ERBB4: variants seen among roughly 807,000 people sequenced by gnomAD.
The protein encoded by ERBB4 is erb-b2 receptor tyrosine kinase 4.
A neutral mutation model predicts 158.0 loss-of-function variants in ERBB4; 42 were observed. That is an observed-to-expected ratio of 0.27 (90% CI 0.21 to 0.34). The LOEUF (loss-of-function observed/expected upper bound fraction) is 0.34, where lower values mean the gene tolerates loss of function less well. Among genes scored for constraint, ERBB4 ranks in the 10% least tolerant of loss-of-function variants. The pLI is 1.00. For missense variants in ERBB4, 1,333 were observed against 1,624.1 expected (o/e 0.82, Z 3.08); for synonymous variants, 583 against 558.7 (o/e 1.04, Z -0.61).
chr2:212,182,142 A>C (rs2081889203), intron 1 of ERBB4, among the ~76,000 whole-genome samples: 1 of 151,880 alleles, frequency 6.6e-6, no homozygotes, highest in South Asian at 2.1e-4. Context: ...CATGCCAGGA[A>C]TGTTCTAAAT....
intron 12 of ERBB4, 55 bp downstream of exon 12, chr2:211,701,912 A>T: frequency 1.5e-6 from 2 of 1,331,716 alleles, no homozygotes; most frequent in South Asian, 2.4e-5. Context: ...GGTCCAAAGA[A>T]GAATGGGAAA....
At position 212,458,013 on chromosome 2, in the gene ERBB4, A is replaced by G. The variant is rs1688385893; in HGVS notation, c.82+80436T>C. ...AGTATTCACCAAATAATGTTCTTCT[A>G]TTGTATGTTCTAATTTAATAGGAAA... On this transcript the variant is annotated intron_variant, in intron 1 of 27. Coordinates refer to ENST00000342788, the MANE Select transcript of ERBB4 (RefSeq NM_005235.3). Among the ~76,000 whole-genome samples the G allele has an allele frequency of 2.6e-5, 4 of 152,102 alleles. No individual in the cohort carries two copies. The South Asian group carries it at 8.3e-4, about 32-fold the overall frequency.
intron 1 of ERBB4, among the ~76,000 whole-genome samples, chr2:212,205,167 T>C (rs955158367): frequency 6.6e-6 from 1 of 151,838 alleles, no homozygotes; most frequent in African/African-American, 2.4e-5. Context: ...ATAGACAGAT[T>C]TTGTTTGTTT....
At chr2:211,944,985 A>G (rs2080639501) in intron 3 of ERBB4, among the ~76,000 whole-genome samples, 1 of 152,230 alleles carries the variant, frequency 6.6e-6, no homozygotes, top group African/African-American at 2.4e-5. Flanking sequence ...AGGCCAGTCC[A>G]GTAGCTCTGC....
chr2:211,419,323 T>C (rs1452246711), intron 25 of ERBB4, among the ~76,000 whole-genome samples: 1 of 152,090 alleles, frequency 6.6e-6, no homozygotes, highest in Non-Finnish European at 1.5e-5. Flanking sequence ...TTAACATATA[T>C]GTGTTGAATA....
chr2:212,075,266 GA>G (rs531956040), intron 2 of ERBB4, among the ~76,000 whole-genome samples: 27 of 151,768 alleles, frequency 1.8e-4, no homozygotes, highest in Non-Finnish European at 2.8e-4. Flanking sequence ...TATTGTGTAA[GA>G]AAGTTTTAAT....
At chr2:212,406,347 A>G (rs1226161218) in intron 1 of ERBB4, among the ~76,000 whole-genome samples, 1 of 152,100 alleles carries the variant, frequency 6.6e-6, no homozygotes, top group Non-Finnish European at 1.5e-5. Flanking sequence ...GACTACAAAA[A>G]TCGGTTCACT....
intron 1 of ERBB4, among the ~76,000 whole-genome samples, chr2:212,519,511 G>A (rs1211926046): frequency 6.6e-6 from 1 of 151,832 alleles, no homozygotes; most frequent in Non-Finnish European, 1.5e-5. Context: ...AACACAGGGA[G>A]GGGAACATCA....
chr2:212,176,241 GT>G (rs1462102654), intron 1 of ERBB4, among the ~76,000 whole-genome samples: 1 of 151,856 alleles, frequency 6.6e-6, no homozygotes, highest in Non-Finnish European at 1.5e-5. Flanking sequence ...ATAACCAAAT[GT>G]TTATGTCCTC....
At chr2:212,130,607 A>C in intron 1 of ERBB4, among the ~76,000 whole-genome samples, 1 of 152,162 alleles carries the variant, frequency 6.6e-6, no homozygotes, top group East Asian at 1.9e-4. Context: ...TCAGCACTCT[A>C]TTTGCTTACA....
At chr2:211,957,176 G>A (rs2125164744) in intron 2 of ERBB4, among the ~76,000 whole-genome samples, 1 of 152,166 alleles carries the variant, frequency 6.6e-6, no homozygotes, top group African/African-American at 2.4e-5. Flanking sequence ...TACTACCTCA[G>A]AATGGGACTG....
intron 2 of ERBB4, among the ~76,000 whole-genome samples, chr2:211,948,564 G>C (rs12617457): frequency 0.066 from 9,941 of 149,892 alleles, 668 homozygotes; most frequent in East Asian, 0.28. Flanking sequence ...TTGAGGGTTT[G>C]TGAGACATTT....
At chr2:212,046,230 T>C (rs553088788) in intron 2 of ERBB4, among the ~76,000 whole-genome samples, 4 of 152,088 alleles carry the variant, frequency 2.6e-5, no homozygotes, top group Non-Finnish European at 5.9e-5. Flanking sequence ...CAAAAGGAAA[T>C]AGAATCACAG....
rs71054190 is a variant in ERBB4 at position 212,286,594 on chromosome 2, CTTTTTTTTTT to C, written c.83-161701_83-161692del. On this transcript the variant is annotated intron_variant, in intron 1 of 27. Transcript: ENST00000342788. ...AATGAGATGATTACATAAGTGCTGA[CTTTTTTTTTT>C]TTTTTTTTTTTTTTTTGACACAGAG... 5.4e-5 allele frequency among the ~76,000 whole-genome samples: 3 copies of C among 55,540 alleles called. 1 individual carries two copies. Among genetic ancestry groups the C allele is most frequent in the African/African-American group, 1.2e-4 (2 of 17,236 alleles). The allele number at this position is 55,540 out of a possible 152,430, so 36.4% of individuals were successfully genotyped here.
intron 2 of ERBB4, among the ~76,000 whole-genome samples, chr2:211,954,686 G>C (rs1301209950): frequency 1.3e-5 from 2 of 151,990 alleles, no homozygotes; most frequent in African/African-American, 4.8e-5. Context: ...CCCTTCTGCT[G>C]GTAATGACTG....
chr2:212,418,714 A>AT (rs1560268254), intron 1 of ERBB4, among the ~76,000 whole-genome samples: 1 of 151,768 alleles, frequency 6.6e-6, no homozygotes, highest in Non-Finnish European at 1.5e-5. Flanking sequence ...GCCTCCCTAG[A>AT]TTGTCAATTA....
intron 3 of ERBB4, among the ~76,000 whole-genome samples, chr2:211,888,731 A>AGT (rs2078875497): frequency 1.3e-5 from 2 of 152,004 alleles, no homozygotes; most frequent in Non-Finnish European, 2.9e-5. Context: ...GCATTGCCTC[A>AGT]CCTGGGAAGC....
intron 1 of ERBB4, among the ~76,000 whole-genome samples, chr2:212,431,003 T>G (rs1560301169): frequency 1.3e-5 from 2 of 152,100 alleles, no homozygotes; most frequent in Admixed American, 6.6e-5. Flanking sequence ...TGCTTTTCCT[T>G]AGAAGGAAAC....
At chr2:212,262,036 AATATC>A (rs1287561237) in intron 1 of ERBB4, among the ~76,000 whole-genome samples, 2 of 152,174 alleles carry the variant, frequency 1.3e-5, no homozygotes, top group East Asian at 3.8e-4. Context: ...TTCAATTAGA[AATATC>A]ATAGTTTAAA....
Sources: allele counts gnomAD v4.1 joint callset (sites outside exome capture counted in the v4.1 genomes callset), GRCh38; gene constraint gnomAD v4.1.1; transcripts MANE v1.5; gene names NCBI Gene and HGNC (gene_info 2026-07-23, HGNC 2026-07-21).